Variants in SSB observed in about 807,000 individuals in gnomAD.
The protein encoded by SSB is small RNA binding exonuclease protection factor La.
A neutral mutation model predicts 52.9 loss-of-function variants in SSB; 17 were observed. That is an observed-to-expected ratio of 0.32 (90% confidence interval 0.22 to 0.48). SSB has a LOEUF of 0.48. Among genes scored for constraint, SSB ranks in the 20% least tolerant of loss-of-function variants. The pLI is 0.99. For synonymous variants in SSB, 111 were observed against 152.1 expected, an observed-to-expected ratio of 0.73 and a Z score of 1.99; for missense variants, 314 against 463.6, an observed-to-expected ratio of 0.68 and a Z score of 2.96.
At chr2:169,802,840 C>T (rs962276742) in intron 2 of SSB, among the ~76,000 whole-genome samples, 3 of 152,180 alleles carry the variant, frequency 2.0e-5, no homozygotes, top group Non-Finnish European at 4.4e-5. Flanking sequence ...CCTTCCCTTT[C>T]CCCCGCTAAA....
chr2:169,811,070 C>T (rs746217189), intron 10 of SSB, 26 bp downstream of exon 10: 4 of 1,602,060 alleles, frequency 2.5e-6, no homozygotes, highest in African/African-American at 1.4e-5. Flanking sequence ...TTTTCTTTAA[C>T]AGTTTGGTTG....
Position 169,800,890 on chromosome 2 carries a change from A to C in SSB, c.-9-62A>C, listed in dbSNP as rs772323322. ...GGGATATTAATACTTTGTAAACATT[A>C]TCTTTCTATTCTTGAGTTTTATATA... On this transcript the variant is annotated intron_variant, in intron 1 of 11. Coordinates refer to ENST00000260956, the MANE Select transcript of SSB (RefSeq NM_003142.5). 1.6e-4 allele frequency: 206 copies of C among 1,253,272 alleles called. 1 individual carries two copies. The highest frequency in any genetic ancestry group is 5.3e-4 in the African/African-American group (34 of 64,576). The allele number at this position is 1,253,272 out of a possible 1,614,324, so 77.6% of individuals were successfully genotyped here.
chr2:169,807,735 G>GTGTTTTT (rs1381544554), intron 6 of SSB, among the ~76,000 whole-genome samples: 1 of 50,700 alleles, frequency 2.0e-5, no homozygotes, highest in Non-Finnish European at 4.7e-5. Flanking sequence ...TAGCCTATAT[G>GTGTTTTT]TCTTTTTTTT....
rs755938192 is a variant in SSB at position 169,810,263 on chromosome 2, C to T, written c.670-20C>T. The T allele has an allele frequency of 6.4e-7, 1 of 1,573,148 alleles. No individual in the cohort carries two copies. Among genetic ancestry groups the T allele is most frequent in the Admixed American group, 1.9e-5 (1 of 52,064 alleles). On this transcript the variant is annotated intron_variant, in intron 8 of 11. Transcript: ENST00000260956. The stretch of plus-strand genomic sequence containing the variant: ...TGTTGCTTTTAAGAAACTTTTTGAT[C>T]ACTTTGTATATTTTTATAGAAATCT...
intron 4 of SSB, chr2:169,806,226 A>C (rs1163856784): frequency 1.7e-5 from 4 of 231,016 alleles, no homozygotes; most frequent in Non-Finnish European, 2.6e-5. Flanking sequence ...TGACCTCCCA[A>C]AGTGCTGGGA....
At chr2:169,804,682 A>G (rs1447410029) in intron 2 of SSB, among the ~76,000 whole-genome samples, 2 of 152,006 alleles carry the variant, frequency 1.3e-5, no homozygotes, top group African/African-American at 2.4e-5. Context: ...AGTAGCTGGG[A>G]CTACAGGTGT....
intron 2 of SSB, among the ~76,000 whole-genome samples, chr2:169,804,492 G>C (rs1364738418): frequency 6.6e-6 from 1 of 151,196 alleles, no homozygotes; most frequent in African/African-American, 2.4e-5. Context: ...CTCAAGCAAT[G>C]CACCCACCTC....
At chr2:169,801,103 A>G in intron 2 of SSB, 77 bp downstream of exon 2, 6 of 1,198,492 alleles carry the variant, frequency 5.0e-6, no homozygotes, top group Non-Finnish European at 7.0e-6. Context: ...ATTCTAGTAC[A>G]TGGACATATT....
chr2:169,799,950 T>C (rs574988443), intron 1 of SSB, among the ~76,000 whole-genome samples: 2 of 152,244 alleles, frequency 1.3e-5, no homozygotes, highest in South Asian at 4.1e-4. Flanking sequence ...ACTTTGTAAG[T>C]AGAAGACTTG....
chr2:169,804,620 A>T (rs1250356202), intron 2 of SSB, among the ~76,000 whole-genome samples: 1 of 151,716 alleles, frequency 6.6e-6, no homozygotes, highest in Non-Finnish European at 1.5e-5. Context: ...ATCTTGGCTC[A>T]CTGCAGCCTC....
chr2:169,811,934 G>C lies in SSB; in HGVS notation c.*178G>C, dbSNP rs1270344248. On this transcript the variant is annotated 3_prime_UTR_variant, in exon 12 of 12. Coordinates refer to ENST00000260956, the MANE Select transcript of SSB (RefSeq NM_003142.5). ...CAAATGAGATTTCTTTGAATGTATT[G>C]TTCTGTTTGTGTTATTTCAGATGAT... 1 of 1,487,018 alleles carries C rather than the reference G, an allele frequency of 6.7e-7. No homozygotes were observed. The highest frequency in any genetic ancestry group is 1.4e-5 in the African/African-American group (1 of 71,496). 92.1% of individuals were successfully genotyped at this position (1,487,018 alleles called of 1,614,324 possible).
intron 2 of SSB, among the ~76,000 whole-genome samples, chr2:169,804,811 C>T (rs989872523): frequency 8.0e-5 from 6 of 74,580 alleles, no homozygotes; most frequent in Admixed American, 1.9e-4. Flanking sequence ...CGTGCGGCAC[C>T]GTGCCTGGCC....
Position 169,807,486 on chromosome 2 carries a change from A to C in SSB, c.554+415A>C, listed in dbSNP as rs1288096795. Among the ~76,000 whole-genome samples the C allele has an allele frequency of 7.9e-5, 12 of 151,980 alleles. No individual in the cohort carries two copies. In the East Asian group the frequency reaches 2.3e-3, roughly 29 times the overall value. On this transcript the variant is annotated intron_variant, in intron 6 of 11. Coordinates refer to ENST00000260956, the MANE Select transcript of SSB (RefSeq NM_003142.5). The stretch of plus-strand genomic sequence containing the variant: ...GTATTTTTAGTAGAGATGGAGTTTC[A>C]CCATGTTGGCCAGGCTGGTCTTGAA...
chr2:169,805,859 AT>A lies in SSB; in HGVS notation c.345+23del. Reference sequence around the variant, plus strand: ...TATATTGTAAGTGGGCCTGTAATGCATTTAAATATCTTACATTTATTTAGAA... The same window carrying A: ...TATATTGTAAGTGGGCCTGTAATGCATTAAATATCTTACATTTATTTAGAA... On this transcript the variant is annotated intron_variant, in intron 4 of 11. Coordinates refer to ENST00000260956, the MANE Select transcript of SSB (RefSeq NM_003142.5). The A allele has an allele frequency of 1.3e-6, 2 of 1,595,756 alleles. No individual in the cohort carries two copies. Among genetic ancestry groups the A allele is most frequent in the Non-Finnish European group, 1.7e-6 (2 of 1,168,848 alleles).
rs1051387 is a variant in SSB, at chr2:169,811,845, A to C, written c.*89A>C. On this transcript the variant is annotated 3_prime_UTR_variant, in exon 12 of 12. Coordinates refer to ENST00000260956, the MANE Select transcript of SSB (RefSeq NM_003142.5). ...TTAAAAGGAAAACCGAATTAGGTCC[A>C]CTTCAATGTCCACCTGTGAGAAAGG... The C allele has an allele frequency of 6.2e-7, 1 of 1,613,648 alleles. No homozygotes were observed. Among genetic ancestry groups the C allele is most frequent in the Non-Finnish European group, 8.5e-7 (1 of 1,179,784 alleles).
chr2:169,801,725 G>T (rs942383542), intron 2 of SSB, among the ~76,000 whole-genome samples: 2 of 151,764 alleles, frequency 1.3e-5, no homozygotes, highest in African/African-American at 2.4e-5. Flanking sequence ...GTAGCGACAG[G>T]GTTTCACCAT....
At chr2:169,809,116 C>T in intron 8 of SSB, 3 of 534,512 alleles carry the variant, frequency 5.6e-6, no homozygotes. Context: ...TGCAGTGGCC[C>T]ACGCCTGTAA....
At chr2:169,810,091 A>C (rs1689915189) in intron 8 of SSB, 192 bp from the exon 9 acceptor site, 1 of 336,026 alleles carries the variant, frequency 3.0e-6, no homozygotes, top group Admixed American at 4.7e-5. Context: ...CTATGAAACT[A>C]CTTTATTTAT....
chr2:169,799,824 T>C (rs1357968672), intron 1 of SSB, among the ~76,000 whole-genome samples: 1 of 152,202 alleles, frequency 6.6e-6, no homozygotes. Flanking sequence ...CCAGGAAGTG[T>C]ACCTACATCA....
Sources: gnomAD v4.1 joint callset for allele counts (sites outside exome capture counted in the v4.1 genomes callset) on GRCh38, gnomAD v4.1.1 for gene constraint, MANE v1.5 for transcripts, NCBI Gene and HGNC (gene_info 2026-07-23, HGNC 2026-07-21) for gene names.